Variants in TIMM13 observed in about 807,000 individuals in gnomAD.
TIMM13 encodes mitochondrial import inner membrane translocase subunit Tim13.
TIMM13 carries 8 observed loss-of-function variants against 10.9 expected under a neutral mutation model. The ratio of observed to expected loss-of-function variants is 0.73; its 90% CI spans 0.43 to 1.32. The LOEUF (loss-of-function observed/expected upper bound fraction) is 1.32. Ranked by LOEUF, TIMM13 falls within the 40% of genes most tolerant of loss-of-function variation. The pLI is 0.01. For missense variants in TIMM13, 147 were observed against 132.8 expected (o/e 1.11, Z -0.53); for synonymous variants, 68 against 52.5 (o/e 1.30, Z -1.28).
In TIMM13 at chr19:2,427,063, G is replaced by A. The variant is rs777523497; in HGVS notation, c.190-17C>T. ...GATGCACTTCTGCGGGAGCGGAGGG[G>A]CGCACGGCTCAGCTCGGGACTTCGC... On this transcript the variant is annotated splice_polypyrimidine_tract_variant and intron_variant, in intron 2 of 2. Transcript: ENST00000215570. The A allele has an allele frequency of 6.8e-6, 11 of 1,605,928 alleles. No homozygotes were observed. The highest frequency in any genetic ancestry group is 8.5e-6 in the Non-Finnish European group (10 of 1,177,818).
Position 2,426,718 on chromosome 19 carries a change from G to C in TIMM13, c.*230C>G. On this transcript the variant is annotated 3_prime_UTR_variant, in exon 3 of 3. Coordinates refer to ENST00000215570, the MANE Select transcript of TIMM13 (RefSeq NM_012458.4). ...GGAATACCCCAAAGGCCTGAAGGAGGTGCCACTGGGCTGCCAGCACTTCAG... is the reference window on the plus strand; with the variant it reads ...GGAATACCCCAAAGGCCTGAAGGAGCTGCCACTGGGCTGCCAGCACTTCAG... 1 of 597,304 alleles carries C rather than the reference G, an allele frequency of 1.7e-6. No individual in the cohort carries two copies. 37.0% of individuals were successfully genotyped at this position (597,304 alleles called of 1,614,324 possible).
At position 2,426,296 on chromosome 19, in the gene TIMM13, G is replaced by C. The variant is rs1441561350; in HGVS notation, c.*652C>G. The C allele has an allele frequency of 3.0e-6, 1 of 338,424 alleles. No individual in the cohort carries two copies. Among genetic ancestry groups the C allele is most frequent in the Non-Finnish European group, 4.7e-6 (1 of 212,718 alleles). The allele number at this position is 338,424 out of a possible 1,614,324, so 21.0% of individuals were successfully genotyped here. A position where few individuals can be genotyped will look rare whatever the true frequency, so the allele number is the denominator to read the frequency against. On this transcript the variant is annotated 3_prime_UTR_variant, in exon 3 of 3. Transcript: ENST00000215570. Reference sequence around the variant, plus strand: ...CTCAGCACCTCAGTGTCACAGCGAGGACCACCTGCCTGGTGCTCCACCAGG... The same window carrying C: ...CTCAGCACCTCAGTGTCACAGCGAGCACCACCTGCCTGGTGCTCCACCAGG...
Position 2,426,192 on chromosome 19 carries a change from G to T in TIMM13, c.*756C>A, listed in dbSNP as rs1456773630. On this transcript the variant is annotated 3_prime_UTR_variant, in exon 3 of 3. Transcript: ENST00000215570. The stretch of plus-strand genomic sequence containing the variant: ...TACCCTACCCAAGGACGGGTGTGGG[G>T]GGGCTGTGGGTCATGGGGATGCATT... 5.6e-6 allele frequency: 5 copies of T among 893,768 alleles called. No individual in the cohort carries two copies. The highest frequency in any genetic ancestry group is 7.2e-6 in the Non-Finnish European group (5 of 691,742). 55.4% of individuals were successfully genotyped at this position (893,768 alleles called of 1,614,324 possible).
At position 2,427,340 on chromosome 19, in the gene TIMM13, A is replaced by C; in HGVS notation, c.121-16T>G. The C allele has an allele frequency of 1.9e-6, 3 of 1,613,074 alleles. No individual in the cohort carries two copies. Among genetic ancestry groups the C allele is most frequent in the Non-Finnish European group, 2.5e-6 (3 of 1,179,708 alleles). On this transcript the variant is annotated splice_polypyrimidine_tract_variant and intron_variant, in intron 1 of 2. Coordinates refer to ENST00000215570, the MANE Select transcript of TIMM13 (RefSeq NM_012458.4). ...CCGTCATCCTCTGTGGAGACACGCGAGGCTTTAGCCGCGACGTCGGCCCCC... is the reference window on the plus strand; with the variant it reads ...CCGTCATCCTCTGTGGAGACACGCGCGGCTTTAGCCGCGACGTCGGCCCCC...
chr19:2,426,787 C>T lies in TIMM13; in HGVS notation c.*161G>A, dbSNP rs1403560725. On this transcript the variant is annotated 3_prime_UTR_variant, in exon 3 of 3. Coordinates refer to ENST00000215570, the MANE Select transcript of TIMM13 (RefSeq NM_012458.4). ...ACCCCCGAGATCCAAGCTGCACTGG[C>T]TGGCAGGGGGCAGGGCGGGGGGTGG... is the stretch of plus-strand genomic sequence containing the variant. The T allele has an allele frequency of 4.0e-6, 3 of 743,444 alleles. No individual in the cohort carries two copies. Among genetic ancestry groups the T allele is most frequent in the South Asian group, 3.4e-5 (2 of 58,894 alleles). 46.1% of individuals were successfully genotyped at this position (743,444 alleles called of 1,614,324 possible). A position where few individuals can be genotyped will look rare whatever the true frequency, so the allele number is the denominator to read the frequency against.
chr19:2,426,018 C>G lies in TIMM13; in HGVS notation c.*930G>C. 2 of 1,607,812 alleles carry G rather than the reference C, an allele frequency of 1.2e-6. No homozygotes were observed. The highest frequency in any genetic ancestry group is 1.7e-6 in the Non-Finnish European group (2 of 1,177,906). On this transcript the variant is annotated 3_prime_UTR_variant, in exon 3 of 3. Transcript: ENST00000215570. ...AGCTGGGGCTATGGCTGTGGCCGGC[C>G]CCACTTCCCAGGTGTCTATACCCGG...
rs142088531 is a variant in TIMM13, at chr19:2,426,170, C to T, written c.*778G>A. 3.7e-4 allele frequency: 425 copies of T among 1,148,160 alleles called. 2 individuals carry two copies. In the African/African-American group the frequency reaches 0.012, roughly 33 times the overall value. The allele number at this position is 1,148,160 out of a possible 1,614,324, so 71.1% of individuals were successfully genotyped here. The stretch of plus-strand genomic sequence containing the variant: ...CACCCAACACCCCACCCCACCGTAC[C>T]CTACCCAAGGACGGGTGTGGGGGGG... On this transcript the variant is annotated 3_prime_UTR_variant, in exon 3 of 3. Transcript: ENST00000215570.
In TIMM13 at chr19:2,425,838, C is replaced by A; in HGVS notation, c.*1110G>T. On this transcript the variant is annotated 3_prime_UTR_variant, in exon 3 of 3. Transcript: ENST00000215570. Reference sequence around the variant, plus strand: ...AAAATGCGGCTCCCAGGGGAAGTCACTAGGGTCACTCCTAGAGGGGCCAAT... The same window carrying A: ...AAAATGCGGCTCCCAGGGGAAGTCAATAGGGTCACTCCTAGAGGGGCCAAT... 1 of 1,468,062 alleles carries A rather than the reference C, an allele frequency of 6.8e-7. No individual in the cohort carries two copies. Among genetic ancestry groups the A allele is most frequent in the South Asian group, 1.4e-5 (1 of 70,720 alleles). 90.9% of individuals were successfully genotyped at this position (1,468,062 alleles called of 1,614,324 possible).
Position 2,426,301 on chromosome 19 carries a change from C to A in TIMM13, c.*647G>T, listed in dbSNP as rs1489107786. ...CACCTCAGTGTCACAGCGAGGACCACCTGCCTGGTGCTCCACCAGGACCCG... is the reference window on the plus strand; with the variant it reads ...CACCTCAGTGTCACAGCGAGGACCAACTGCCTGGTGCTCCACCAGGACCCG... On this transcript the variant is annotated 3_prime_UTR_variant, in exon 3 of 3. Transcript: ENST00000215570. The A allele has an allele frequency of 2.8e-6, 1 of 353,258 alleles. No individual in the cohort carries two copies. The highest frequency in any genetic ancestry group is 4.6e-6 in the Non-Finnish European group (1 of 217,908). The allele number at this position is 353,258 out of a possible 1,614,324, so 21.9% of individuals were successfully genotyped here. A position where few individuals can be genotyped will look rare whatever the true frequency, so the allele number is the denominator to read the frequency against.
chr19:2,426,473 C>G lies in TIMM13; in HGVS notation c.*475G>C. The G allele has an allele frequency of 3.4e-6, 1 of 292,190 alleles. No homozygotes were observed. The highest frequency in any genetic ancestry group is 6.5e-6 in the Non-Finnish European group (1 of 154,222). 18.1% of individuals were successfully genotyped at this position (292,190 alleles called of 1,614,324 possible). A position where few individuals can be genotyped will look rare whatever the true frequency, so the allele number is the denominator to read the frequency against. The stretch of plus-strand genomic sequence containing the variant: ...GGGGAAAGATGGACTTCTCCCAACC[C>G]AGGGGAGGCTGAGACCCTCCGAGCT... On this transcript the variant is annotated 3_prime_UTR_variant, in exon 3 of 3. Coordinates refer to ENST00000215570, the MANE Select transcript of TIMM13 (RefSeq NM_012458.4).
chr19:2,425,902 A>AC lies in TIMM13; in HGVS notation c.*1045dup. On this transcript the variant is annotated 3_prime_UTR_variant, in exon 3 of 3. Coordinates refer to ENST00000215570, the MANE Select transcript of TIMM13 (RefSeq NM_012458.4). ...CTGTAGGGGAGGTACCGGCCTCTGA[A>AC]CCCCCTTTCTTCTCTCCCCAACAGG... The AC allele has an allele frequency of 1.9e-6, 3 of 1,564,782 alleles. No homozygotes were observed. Among genetic ancestry groups the AC allele is most frequent in the Non-Finnish European group, 2.6e-6 (3 of 1,161,956 alleles).
rs1343627842 is a variant in TIMM13, at chr19:2,426,098, G to C, written c.*850C>G. On this transcript the variant is annotated 3_prime_UTR_variant, in exon 3 of 3. Coordinates refer to ENST00000215570, the MANE Select transcript of TIMM13 (RefSeq NM_012458.4). ...GCACATCCAGGAGTGACCACCACGT[G>C]ACTGCCCAGGCCGAGACTCTACGTG... The C allele has an allele frequency of 1.3e-6, 2 of 1,542,158 alleles. No homozygotes were observed. Among genetic ancestry groups the C allele is most frequent in the African/African-American group, 3.3e-5 (2 of 60,346 alleles).
chr19:2,426,953 T>G lies in TIMM13; in HGVS notation c.283A>C (p.Met95Leu), dbSNP rs201624964. ...NSRLQRERAN[M>L] ...GGGTGGCCCGCGCTCGCCGGTCACATGTTGGCTCGTTCCCGCTGCAGCCGC... is the reference window on the plus strand; with the variant it reads ...GGGTGGCCCGCGCTCGCCGGTCACAGGTTGGCTCGTTCCCGCTGCAGCCGC... Residue 95 changes from methionine to leucine, a missense_variant, in exon 3 of 3, where the codon ATG becomes CTG. Coordinates refer to ENST00000215570, the MANE Select transcript of TIMM13 (RefSeq NM_012458.4). The G allele has an allele frequency of 3.1e-6, 5 of 1,593,496 alleles. No homozygotes were observed. In the African/African-American group the frequency reaches 6.7e-5, roughly 21 times the overall value.
rs1046119176 is a variant in TIMM13 at position 2,427,570 on chromosome 19, C to G, written c.-37G>C. ...GTCAACCGGACCGAGGCCGCGTGCG[C>G]CGACTCGTAACTAACTGCGCCGGAA... On this transcript the variant is annotated 5_prime_UTR_variant, in exon 1 of 3. Coordinates refer to ENST00000215570, the MANE Select transcript of TIMM13 (RefSeq NM_012458.4). 3.8e-6 allele frequency: 6 copies of G among 1,563,754 alleles called. No individual in the cohort carries two copies. In the African/African-American group the frequency reaches 8.1e-5, roughly 21 times the overall value.
Position 2,427,289 on chromosome 19 carries a change from C to T in TIMM13, c.156G>A (p.Gly52=), listed in dbSNP as rs753804586. ...MTDKCFRKCI[G]KPGGSLDNSE... is the part of the protein sequence containing the mutation. ...AGTTGTCCAGGGAGCCCCCAGGTTT[C>T]CCTATACACTTCCGGAAACACTTGT... The change falls in exon 2 of 3, where the codon GGG becomes GGA. Residue 52 remains glycine (G), a synonymous_variant. Coordinates refer to ENST00000215570, the MANE Select transcript of TIMM13 (RefSeq NM_012458.4). 2.5e-6 allele frequency: 4 copies of T among 1,613,508 alleles called. No individual in the cohort carries two copies. The highest frequency in any genetic ancestry group is 3.4e-6 in the Non-Finnish European group (4 of 1,179,842).
Position 2,425,857 on chromosome 19 carries a change from G to A in TIMM13, c.*1091C>T, listed in dbSNP as rs947356347. 3.2e-5 allele frequency: 48 copies of A among 1,506,778 alleles called. 1 individual carries two copies. In the South Asian group the frequency reaches 3.8e-4, roughly 12 times the overall value. 93.3% of individuals were successfully genotyped at this position (1,506,778 alleles called of 1,614,324 possible). Reference sequence around the variant, plus strand: ...AAGTCACTAGGGTCACTCCTAGAGGGGCCAATGACCCAAGGGCTGCTGTAG... The same window carrying A: ...AAGTCACTAGGGTCACTCCTAGAGGAGCCAATGACCCAAGGGCTGCTGTAG... On this transcript the variant is annotated 3_prime_UTR_variant, in exon 3 of 3. Coordinates refer to ENST00000215570, the MANE Select transcript of TIMM13 (RefSeq NM_012458.4).
Position 2,426,943 on chromosome 19 carries a change from G to T in TIMM13, c.*5C>A, listed in dbSNP as rs751680549. The T allele has an allele frequency of 1.3e-6, 2 of 1,581,190 alleles. No individual in the cohort carries two copies. The highest frequency in any genetic ancestry group is 4.7e-5 in the East Asian group (2 of 42,920). On this transcript the variant is annotated 3_prime_UTR_variant, in exon 3 of 3. Transcript: ENST00000215570. ...GAACAGGGTGGGGTGGCCCGCGCTCGCCGGTCACATGTTGGCTCGTTCCCG... is the reference window on the plus strand; with the variant it reads ...GAACAGGGTGGGGTGGCCCGCGCTCTCCGGTCACATGTTGGCTCGTTCCCG...
chr19:2,426,894 C>A lies in TIMM13; in HGVS notation c.*54G>T, dbSNP rs1971651355. On this transcript the variant is annotated 3_prime_UTR_variant, in exon 3 of 3. Transcript: ENST00000215570. ...GGCAGTACGTACATGCGGACCCCGC[C>A]TCTCAAAGCACGTTTATGGAAATGA... The A allele has an allele frequency of 2.6e-6, 4 of 1,526,272 alleles. No homozygotes were observed. Among genetic ancestry groups the A allele is most frequent in the Non-Finnish European group, 2.7e-6 (3 of 1,127,230 alleles). 94.5% of individuals were successfully genotyped at this position (1,526,272 alleles called of 1,614,324 possible).
In TIMM13 at chr19:2,426,752, A is replaced by G. The variant is rs2145435898; in HGVS notation, c.*196T>C. ...GGCTGCCAGCACTTCAGGAAGGCACAGGGCCCCACACCCCCGAGATCCAAG... is the reference window on the plus strand; with the variant it reads ...GGCTGCCAGCACTTCAGGAAGGCACGGGGCCCCACACCCCCGAGATCCAAG... On this transcript the variant is annotated 3_prime_UTR_variant, in exon 3 of 3. Transcript: ENST00000215570. 1.6e-6 allele frequency: 1 copy of G among 630,858 alleles called. No homozygotes were observed. Among genetic ancestry groups the G allele is most frequent in the Non-Finnish European group, 2.8e-6 (1 of 355,080 alleles). The allele number at this position is 630,858 out of a possible 1,614,324, so 39.1% of individuals were successfully genotyped here. A position where few individuals can be genotyped will look rare whatever the true frequency, so the allele number is the denominator to read the frequency against.
Sources: allele counts gnomAD v4.1 joint callset, GRCh38; gene constraint gnomAD v4.1.1; transcripts MANE v1.5; gene names NCBI Gene and HGNC (gene_info 2026-07-23, HGNC 2026-07-21).